Variants in PPP2R3C observed in about 807,000 individuals in gnomAD.
The protein encoded by PPP2R3C is serine/threonine-protein phosphatase 2A regulatory subunit B'' subunit gamma.
Under a neutral mutation model 63.7 loss-of-function variants are expected in PPP2R3C, and 47 were observed. The ratio of observed to expected loss-of-function variants is 0.74; its 90% CI spans 0.58 to 0.94. PPP2R3C has a LOEUF of 0.94. PPP2R3C is among the 40% of genes least tolerant of loss of function. The pLI is 0.00. For synonymous variants in PPP2R3C, 180 were observed against 177.4 expected, an observed-to-expected ratio of 1.01 and a Z score of -0.12; for missense variants, 421 against 518.4, an observed-to-expected ratio of 0.81 and a Z score of 1.82.
chr14:35,115,068 AAG>A, intron 2 of PPP2R3C, among the ~76,000 whole-genome samples: 1 of 151,372 alleles, frequency 6.6e-6, no homozygotes. Flanking sequence ...TGCTGAGCTT[AAG>A]AGATTCTCCC....
At chr14:35,112,340 C>T (rs554405273) in intron 2 of PPP2R3C, among the ~76,000 whole-genome samples, 4 of 152,314 alleles carry the variant, frequency 2.6e-5, no homozygotes, top group Admixed American at 2.6e-4. Context: ...TGGACTCAAG[C>T]AGTCCTCCCA....
intron 11 of PPP2R3C, among the ~76,000 whole-genome samples, chr14:35,089,735 G>A (rs765457816): frequency 7.3e-5 from 11 of 151,716 alleles, no homozygotes; most frequent in Non-Finnish European, 1.3e-4. Context: ...GCGCAATCTC[G>A]GCTCACTGCA....
chr14:35,109,918 A>G lies in PPP2R3C; in HGVS notation c.305T>C (p.Leu102Ser), dbSNP rs2046494502. The G allele has an allele frequency of 6.3e-7, 1 of 1,599,032 alleles. No homozygotes were observed. Among genetic ancestry groups the G allele is most frequent in the African/African-American group, 1.3e-5 (1 of 74,432 alleles). ...DNEELQNLWF[L>S]LDKHQTPPMI... ...AGGTGGTGTCTGGTGTTTGTCCAGCAAAAACCATAAGTTCTTAAGAGAATT... is the reference window on the plus strand; with the variant it reads ...AGGTGGTGTCTGGTGTTTGTCCAGCGAAAACCATAAGTTCTTAAGAGAATT... Residue 102 changes from leucine to serine, a missense_variant, in exon 4 of 13, where the codon TTG becomes TCG. Physicochemically the swap from Leu to Ser is moderately radical, Grantham distance 145 (BLOSUM62 -2). Transcript: ENST00000261475.
intron 6 of PPP2R3C, chr14:35,106,229 G>A (rs553784414): frequency 1.3e-4 from 20 of 152,320 alleles, no homozygotes; most frequent in African/African-American, 4.8e-4. Context: ...GGTTTGAAAC[G>A]TTTTGATAGT....
chr14:35,116,580 C>T, intron 2 of PPP2R3C, 30 bp downstream of exon 2: 1 of 1,531,218 alleles, frequency 6.5e-7, no homozygotes, highest in Non-Finnish European at 8.8e-7. Flanking sequence ...TTTTTAAACT[C>T]TGCAGGACAT....
chr14:35,116,750 CAG>C lies in PPP2R3C; in HGVS notation c.59-15_59-14del. ...TCACTTTTTTTTTCTGGTAACAAAA[CAG>C]ATTAAGGGGAGCACTTTTAAAATCA... On this transcript the variant is annotated splice_polypyrimidine_tract_variant and intron_variant, in intron 1 of 12. Coordinates refer to ENST00000261475, the MANE Select transcript of PPP2R3C (RefSeq NM_017917.4). 1 of 1,560,284 alleles carries C rather than the reference CAG, an allele frequency of 6.4e-7. No individual in the cohort carries two copies. The highest frequency in any genetic ancestry group is 2.3e-5 in the East Asian group (1 of 43,216).
chr14:35,089,664 T>A (rs1187021841), intron 11 of PPP2R3C, among the ~76,000 whole-genome samples: 1 of 143,330 alleles, frequency 7.0e-6, no homozygotes, highest in African/African-American at 2.5e-5. Context: ...TATGATTTTT[T>A]AATTTTTTTT....
chr14:35,104,704 G>A (rs2046293880), intron 6 of PPP2R3C, among the ~76,000 whole-genome samples: 1 of 152,166 alleles, frequency 6.6e-6, no homozygotes, highest in Admixed American at 6.5e-5. Flanking sequence ...AAACCCAGAG[G>A]TGGGAATACA....
intron 6 of PPP2R3C, among the ~76,000 whole-genome samples, chr14:35,103,915 T>C: frequency 6.6e-6 from 1 of 152,198 alleles, no homozygotes; most frequent in East Asian, 1.9e-4. Context: ...GGGCCAAGGA[T>C]GGAAGAAATA....
rs144146896 is a variant in PPP2R3C, at chr14:35,120,148, C to G, written c.58+1754G>C. Among the ~76,000 whole-genome samples the G allele has an allele frequency of 3.4e-5, 5 of 148,108 alleles. No individual in the cohort carries two copies. The East Asian group carries it at 1.0e-3, about 31-fold the overall frequency. ...GCCACCGCGCCCGGCATCAGTTCAT[C>G]ATTTTAACAGTGAAGCCAGAGTGTA... is the stretch of plus-strand genomic sequence containing the variant. On this transcript the variant is annotated intron_variant, in intron 1 of 12. Coordinates refer to ENST00000261475, the MANE Select transcript of PPP2R3C (RefSeq NM_017917.4).
At chr14:35,111,933 C>T (rs753498211) in intron 2 of PPP2R3C, among the ~76,000 whole-genome samples, 1 of 152,230 alleles carries the variant, frequency 6.6e-6, no homozygotes, top group Non-Finnish European at 1.5e-5. Context: ...ACTCCTGTCT[C>T]CCATTTAGCT....
chr14:35,086,739 C>T (rs891515475), intron 12 of PPP2R3C: 8 of 152,402 alleles, frequency 5.2e-5, no homozygotes, highest in African/African-American at 1.9e-4. Flanking sequence ...CTCAGGTGAT[C>T]CGCCTGCCTT....
chr14:35,094,045 T>C (rs2045919968), intron 10 of PPP2R3C, among the ~76,000 whole-genome samples: 1 of 152,232 alleles, frequency 6.6e-6, no homozygotes, highest in South Asian at 2.1e-4. Context: ...CAGCTGTTCA[T>C]ATAGCCACTT....
At position 35,110,560 on chromosome 14, in the gene PPP2R3C, T is replaced by C. The variant is rs765427522; in HGVS notation, c.256A>G (p.Lys86Glu). 6.2e-7 allele frequency: 1 copy of C among 1,612,416 alleles called. No individual in the cohort carries two copies. Residue 86 changes from lysine to glutamate, a missense_variant, in exon 3 of 13, where the codon AAA becomes GAA. This residue lies in a region of PPP2R3C where 143 missense variants were observed against 151.2 expected (regional missense o/e 0.95). Transcript: ENST00000261475. ...EESRAVFLQR[K>E]SRELLDNEEL... Reference sequence around the variant, plus strand: ...TCATTATCTAACAGTTCTCTGCTTTTTCTTTGTAGAAAGACAGCTCTTGAT... The same window carrying C: ...TCATTATCTAACAGTTCTCTGCTTTCTCTTTGTAGAAAGACAGCTCTTGAT...
chr14:35,089,767 G>A (rs914914960), intron 11 of PPP2R3C, among the ~76,000 whole-genome samples: 6 of 152,078 alleles, frequency 3.9e-5, no homozygotes, highest in African/African-American at 1.4e-4. Flanking sequence ...CTGGGTTCAT[G>A]CCATTCTCCT....
In PPP2R3C at chr14:35,107,343, A is replaced by G; in HGVS notation, c.534T>C (p.Ser178=). ...ACCCCTGCCCAGCGACATCATATAA[A>G]CTGAGTCCTATTCTTGTTTGATGAA... ...VWLHQTRIGL[S]LYDVAGQGYL... Residue 178 remains serine (S), a synonymous_variant, in exon 6 of 13, where the codon AGT becomes AGC. Coordinates refer to ENST00000261475, the MANE Select transcript of PPP2R3C (RefSeq NM_017917.4). The G allele has an allele frequency of 3.1e-6, 5 of 1,609,558 alleles. No homozygotes were observed. Among genetic ancestry groups the G allele is most frequent in the Non-Finnish European group, 4.3e-6 (5 of 1,175,822 alleles).
At chr14:35,117,716 T>G (rs1439112835) in intron 1 of PPP2R3C, among the ~76,000 whole-genome samples, 1 of 152,006 alleles carries the variant, frequency 6.6e-6, no homozygotes, top group African/African-American at 2.4e-5. Flanking sequence ...TTTTTGGAGA[T>G]GGAGCTTCAC....
chr14:35,092,799 A>T lies in PPP2R3C; in HGVS notation c.976-1592T>A, dbSNP rs191493251. The stretch of plus-strand genomic sequence containing the variant: ...AGTATATTTAAATTGCTATTTTAAA[A>T]TATTGTTTAAAATTTTTAATTCAGA... On this transcript the variant is annotated intron_variant, in intron 10 of 12. Transcript: ENST00000261475. Among the ~76,000 whole-genome samples the T allele has an allele frequency of 1.1e-4, 16 of 152,292 alleles. No homozygotes were observed. In the East Asian group the frequency reaches 1.4e-3, roughly 13 times the overall value.
intron 6 of PPP2R3C, 75 bp from the exon 7 acceptor site, chr14:35,099,459 T>A: frequency 6.8e-7 from 1 of 1,466,888 alleles, no homozygotes; most frequent in Non-Finnish European, 9.1e-7. Flanking sequence ...TTACTAAAAA[T>A]TATTCAGCAT....
Sources: gnomAD v4.1 joint callset for allele counts (sites outside exome capture counted in the v4.1 genomes callset) on GRCh38, gnomAD v4.1.1 for gene constraint, gnomAD v4.1.1 regional missense constraint, MANE v1.5 for transcripts, NCBI Gene and HGNC (gene_info 2026-07-23, HGNC 2026-07-21) for gene names.